MTHFD2: variants seen among roughly 807,000 people sequenced by gnomAD.
MTHFD2 encodes bifunctional methylenetetrahydrofolate dehydrogenase/cyclohydrolase, mitochondrial.
In MTHFD2, 26 loss-of-function variants were observed where a neutral mutation model predicts 36.8. The ratio of observed to expected loss-of-function variants is 0.71; its 90% CI spans 0.52 to 0.98. The LOEUF is 0.98. Ranked by LOEUF, MTHFD2 falls within the 50% of genes least tolerant of loss-of-function variation. The pLI, the probability that MTHFD2 is intolerant of heterozygous loss-of-function variation, is 0.00. For synonymous variants in MTHFD2, 164 were observed against 155.2 expected, an observed-to-expected ratio of 1.06 and a Z score of -0.42; for missense variants, 373 against 434.0, an observed-to-expected ratio of 0.86 and a Z score of 1.25.
chr2:74,214,299 G>A lies in MTHFD2; in HGVS notation c.*57G>A. On this transcript the variant is annotated 3_prime_UTR_variant, in exon 8 of 8. Transcript: ENST00000394053. ...CCAGGCCAGCTCAAGAAGCAAAGCA[G>A]GCCAATAGAAATGCAATATTTTTAA... 6.5e-7 allele frequency: 1 copy of A among 1,545,780 alleles called. No homozygotes were observed. Among genetic ancestry groups the A allele is most frequent in the Non-Finnish European group, 8.8e-7 (1 of 1,140,756 alleles).
intron 1 of MTHFD2, among the ~76,000 whole-genome samples, chr2:74,204,100 G>C (rs1467085314): frequency 3.3e-5 from 5 of 152,046 alleles, no homozygotes; most frequent in Admixed American, 6.6e-5. Context: ...TTTTAGCAGA[G>C]ACGGGGTTTT....
Position 74,211,245 on chromosome 2 carries a change from G to C in MTHFD2, c.717G>C (p.Gln239His). Residue 239 changes from glutamine to histidine, a missense_variant, in exon 6 of 8, where the codon CAG (glutamine) becomes CAC (histidine). By Grantham distance (24) the Gln-to-His change is conservative. This residue lies in a region of MTHFD2 where 308 missense variants were observed against 397.8 expected (regional missense o/e 0.77). Coordinates refer to ENST00000394053, the MANE Select transcript of MTHFD2 (RefSeq NM_006636.4). The part of the protein sequence containing the change: ...TISHRYTPKE[Q>H]LKKHTILADI... ...CTCATCGATATACTCCCAAAGAGCA[G>C]TTGAAGAAACATACAATTCTTGCAG... 1 of 1,609,394 alleles carries C rather than the reference G, an allele frequency of 6.2e-7. No homozygotes were observed. The highest frequency in any genetic ancestry group is 1.7e-5 in the Admixed American group (1 of 59,892).
chr2:74,204,740 C>T (rs1694138908), intron 1 of MTHFD2, among the ~76,000 whole-genome samples: 1 of 152,176 alleles, frequency 6.6e-6, no homozygotes, highest in Non-Finnish European at 1.5e-5. Context: ...CTGCCCTGCC[C>T]CTATTCTTAC....
At chr2:74,201,382 G>A (rs1419301678) in intron 1 of MTHFD2, among the ~76,000 whole-genome samples, 1 of 151,266 alleles carries the variant, frequency 6.6e-6, no homozygotes, top group Non-Finnish European at 1.5e-5. Flanking sequence ...TTTTTGGCAG[G>A]GGAATCTCTC....
At chr2:74,210,850 A>G (rs535085025) in intron 5 of MTHFD2, among the ~76,000 whole-genome samples, 2 of 146,660 alleles carry the variant, frequency 1.4e-5, no homozygotes, top group South Asian at 4.2e-4. Context: ...GCAGTGGCAC[A>G]ATCTTGGCTC....
chr2:74,203,913 TA>T (rs1182654744), intron 1 of MTHFD2, among the ~76,000 whole-genome samples: 1 of 102,418 alleles, frequency 9.8e-6, no homozygotes, highest in African/African-American at 3.8e-5. Flanking sequence ...TTAGTTAGTT[TA>T]GTTTAGTTTA....
chr2:74,198,876 G>C, intron 1 of MTHFD2, 134 bp downstream of exon 1: 1 of 796,332 alleles, frequency 1.3e-6, no homozygotes, highest in Non-Finnish European at 1.8e-6. Context: ...GGCCGCTGAG[G>C]GGTGTGGCGG....
At chr2:74,209,663 C>A (rs552455754) in intron 4 of MTHFD2, among the ~76,000 whole-genome samples, 1 of 152,066 alleles carries the variant, frequency 6.6e-6, no homozygotes, top group South Asian at 2.1e-4. Flanking sequence ...TCCCTGGCCT[C>A]AAGCAATCCT....
chr2:74,207,198 A>G (rs979415191), intron 2 of MTHFD2, among the ~76,000 whole-genome samples: 1 of 149,924 alleles, frequency 6.7e-6, no homozygotes, highest in Admixed American at 6.6e-5. Context: ...GTGCGATCTC[A>G]GCTCACTGCA....
chr2:74,210,073 C>T, intron 5 of MTHFD2, 24 bp downstream of exon 5: 1 of 1,587,584 alleles, frequency 6.3e-7, no homozygotes, highest in East Asian at 2.2e-5. Context: ...TTTCAGGGAA[C>T]ACTGTCCTTT....
At chr2:74,200,175 G>C (rs865948761) in intron 1 of MTHFD2, among the ~76,000 whole-genome samples, 2 of 152,116 alleles carry the variant, frequency 1.3e-5, no homozygotes, top group Admixed American at 6.6e-5. Context: ...CCCATGTTTC[G>C]TTACTGTGTG....
In MTHFD2 at chr2:74,214,986, T is replaced by C. The variant is rs953083567; in HGVS notation, c.*744T>C. 1 of 152,658 alleles carries C rather than the reference T, an allele frequency of 6.6e-6. No homozygotes were observed. Among genetic ancestry groups the C allele is most frequent in the African/African-American group, 2.4e-5 (1 of 41,456 alleles). The allele number at this position is 152,658 out of a possible 1,614,324, so 9.5% of individuals were successfully genotyped here. A position where few individuals can be genotyped will look rare whatever the true frequency, so the allele number is the denominator to read the frequency against. On this transcript the variant is annotated 3_prime_UTR_variant, in exon 8 of 8. Coordinates refer to ENST00000394053, the MANE Select transcript of MTHFD2 (RefSeq NM_006636.4). ...ACATGTGTGTTGTCATATTTGGCTTTTGCTATATACTTTAACTTCATTGTT... is the reference window on the plus strand; with the variant it reads ...ACATGTGTGTTGTCATATTTGGCTTCTGCTATATACTTTAACTTCATTGTT...
At chr2:74,204,018 A>G (rs918596138) in intron 1 of MTHFD2, among the ~76,000 whole-genome samples, 1 of 151,936 alleles carries the variant, frequency 6.6e-6, no homozygotes, top group Non-Finnish European at 1.5e-5. Context: ...GGTTCAAGCA[A>G]TTCTCCTGCC....
At chr2:74,206,086 C>G (rs147891318) in intron 2 of MTHFD2, 197 bp downstream of exon 2, 1 of 490,908 alleles carries the variant, frequency 2.0e-6, no homozygotes, top group Non-Finnish European at 3.6e-6. Context: ...ACAGGAGATA[C>G]TGGTTGGTAT....
At position 74,214,324 on chromosome 2, in the gene MTHFD2, A is replaced by C; in HGVS notation, c.*82A>C. On this transcript the variant is annotated 3_prime_UTR_variant, in exon 8 of 8. Transcript: ENST00000394053. ...GGCCAATAGAAATGCAATATTTTTAATTTATTCTACTGAAATGGTTTAAAA... is the reference window on the plus strand; with the variant it reads ...GGCCAATAGAAATGCAATATTTTTACTTTATTCTACTGAAATGGTTTAAAA... 6.8e-7 allele frequency: 1 copy of C among 1,462,632 alleles called. No homozygotes were observed. The highest frequency in any genetic ancestry group is 1.4e-5 in the African/African-American group (1 of 70,602). The allele number at this position is 1,462,632 out of a possible 1,614,324, so 90.6% of individuals were successfully genotyped here. A position where few individuals can be genotyped will look rare whatever the true frequency, so the allele number is the denominator to read the frequency against.
intron 1 of MTHFD2, among the ~76,000 whole-genome samples, chr2:74,205,450 A>C (rs1694154237): frequency 6.6e-6 from 1 of 152,130 alleles, no homozygotes; most frequent in Non-Finnish European, 1.5e-5. Context: ...CAAATTAATG[A>C]TAATAATGAT....
At chr2:74,211,489 G>A in intron 6 of MTHFD2, 198 bp downstream of exon 6, 3 of 478,428 alleles carry the variant, frequency 6.3e-6, no homozygotes, top group Non-Finnish European at 1.1e-5. Flanking sequence ...ATGGGTGAAT[G>A]TTATTCCTAA....
chr2:74,199,368 G>C (rs1220583172), intron 1 of MTHFD2, among the ~76,000 whole-genome samples: 1 of 152,198 alleles, frequency 6.6e-6, no homozygotes, highest in African/African-American at 2.4e-5. Context: ...TGTCAGTGCC[G>C]GGCTGCGTAC....
At chr2:74,207,877 CCTCTCCCTCCCTCTCT>C in intron 3 of MTHFD2, 51 bp downstream of exon 3, 2 of 1,511,258 alleles carry the variant, frequency 1.3e-6, no homozygotes, top group Non-Finnish European at 1.8e-6. Flanking sequence ...TGCTCCTTTC[CCTCTCCCTCCCTCTCT>C]CTCTCCCTCC....
Sources: gnomAD v4.1 joint callset for allele counts (sites outside exome capture counted in the v4.1 genomes callset) on GRCh38, gnomAD v4.1.1 for gene constraint, gnomAD v4.1.1 regional missense constraint, MANE v1.5 for transcripts, NCBI Gene and HGNC (gene_info 2026-07-23, HGNC 2026-07-21) for gene names.